Variants in TXNRD1 observed in about 807,000 individuals in gnomAD.
TXNRD1 encodes the protein thioredoxin reductase 1.
A neutral mutation model predicts 80.3 loss-of-function variants in TXNRD1; 57 were observed. The observed-to-expected ratio is 0.71, with a 90% CI of 0.57 to 0.89. TXNRD1 has a LOEUF of 0.89. Ranked by LOEUF, TXNRD1 falls within the 40% of genes least tolerant of loss-of-function variation. The probability of loss-of-function intolerance (pLI) is 0.00; values close to 1 mark genes in which losing one functional copy is unlikely to be tolerated. For synonymous variants in TXNRD1, 291 were observed against 285.2 expected (o/e 1.02, Z -0.20); for missense variants, 730 against 803.0 (o/e 0.91, Z 1.10).
chr12:104,226,311 A>G (rs1289510402), intron 1 of TXNRD1, among the ~76,000 whole-genome samples: 2 of 152,236 alleles, frequency 1.3e-5, no homozygotes, highest in East Asian at 3.8e-4. Context: ...AAAAATGTCT[A>G]GCTTAGGTTG....
At chr12:104,304,512 G>A (rs374997109) in intron 4 of TXNRD1, 10 of 1,613,866 alleles carry the variant, frequency 6.2e-6, no homozygotes, top group African/African-American at 1.3e-5. Flanking sequence ...AAAAAAGTTC[G>A]CAAGATGGAA....
intron 1 of TXNRD1, among the ~76,000 whole-genome samples, chr12:104,237,230 A>G (rs1042454581): frequency 5.3e-5 from 8 of 152,166 alleles, no homozygotes; most frequent in African/African-American, 1.4e-4. Context: ...GTAATAACTT[A>G]CAGTGTAGAA....
intron 16 of TXNRD1, among the ~76,000 whole-genome samples, chr12:104,345,631 G>C (rs891960320): frequency 4.4e-5 from 1 of 22,960 alleles, no homozygotes; most frequent in Admixed American, 3.2e-4. Flanking sequence ...AGTAGGAAAC[G>C]GATTACACAT....
At chr12:104,326,460 ATTTT>A (rs371884469) in intron 12 of TXNRD1, 37 bp downstream of exon 12, 948 of 538,720 alleles carry the variant, frequency 1.8e-3, no homozygotes, top group East Asian at 2.0e-3. Context: ...TATTTGTGGG[ATTTT>A]TTTTTTTTTT....
At chr12:104,271,007 C>T (rs929905101) in intron 3 of TXNRD1, among the ~76,000 whole-genome samples, 4 of 151,814 alleles carry the variant, frequency 2.6e-5, no homozygotes, top group Admixed American at 2.6e-4. Flanking sequence ...AAAAATTAGC[C>T]GGGTGTGGTG....
chr12:104,233,082 G>A (rs189496910), intron 1 of TXNRD1, among the ~76,000 whole-genome samples: 36 of 152,340 alleles, frequency 2.4e-4, no homozygotes, highest in African/African-American at 8.7e-4. Flanking sequence ...TATGCTGTAA[G>A]CTGGGAATGC....
At position 104,334,251 on chromosome 12, in the gene TXNRD1, CT is replaced by C. The variant is rs1250966239; in HGVS notation, c.1669del (p.Trp557GlyfsTer19). 1 of 1,524,612 alleles carries C rather than the reference CT, an allele frequency of 6.6e-7. No individual in the cohort carries two copies. The highest frequency in any genetic ancestry group is 1.4e-5 in the African/African-American group (1 of 72,010). 94.4% of individuals were successfully genotyped at this position (1,524,612 alleles called of 1,614,324 possible). On this transcript the variant is annotated frameshift_variant, in exon 15 of 17. Coordinates refer to ENST00000525566, the MANE Select transcript of TXNRD1 (RefSeq NM_001093771.3). LOFTEE classifies it high-confidence loss of function. ...EENIEVYHSYFWPLEWTIPSR... is the reference protein window; with the variant it reads ...EENIEVYHSYXWPLEWTIPSR... ...TATCTTCTTAGGTTTACCATAGTTA[CT>C]TTTGGCCATTGGAATGGACGATTCC...
intron 2 of TXNRD1, among the ~76,000 whole-genome samples, chr12:104,257,112 T>TGTGTCTTGTACATAAAA: frequency 6.6e-6 from 1 of 152,048 alleles, no homozygotes; most frequent in South Asian, 2.1e-4. Flanking sequence ...ACAGGCTGTT[T>TGTGTCTTGTACATAAAA]GTGTCTTGTA....
chr12:104,321,151 T>G lies in TXNRD1; in HGVS notation c.1050T>G (p.Tyr350Ter). ...PGKTLVVGAS[Y>*]VALECAGFLA... The stretch of plus-strand genomic sequence containing the variant: ...AGACCCTGGTTGTTGGAGCATCCTA[T>G]GTCGCTTTGGAGTGCGCTGGATTTC... The change falls in exon 10 of 17, where the codon TAT becomes TAG. Residue 350 changes from tyrosine (Y) to a stop codon, truncating the protein, a stop_gained. Coordinates refer to ENST00000525566, the MANE Select transcript of TXNRD1 (RefSeq NM_001093771.3). LOFTEE classifies it high-confidence loss of function. 6.2e-7 allele frequency: 1 copy of G among 1,613,778 alleles called. No homozygotes were observed. The highest frequency in any genetic ancestry group is 8.5e-7 in the Non-Finnish European group (1 of 1,179,846).
At chr12:104,226,177 G>A (rs1345778284) in intron 1 of TXNRD1, among the ~76,000 whole-genome samples, 1 of 151,934 alleles carries the variant, frequency 6.6e-6, no homozygotes, top group African/African-American at 2.4e-5. Flanking sequence ...TCAAGCCTGG[G>A]CAACAAGAGT....
chr12:104,232,018 G>A (rs2032635250), intron 1 of TXNRD1, among the ~76,000 whole-genome samples: 1 of 152,232 alleles, frequency 6.6e-6, no homozygotes, highest in Non-Finnish European at 1.5e-5. Flanking sequence ...ATAGGACTGT[G>A]TGTGTTGTTC....
intron 6 of TXNRD1, among the ~76,000 whole-genome samples, chr12:104,314,833 C>T (rs2035268012): frequency 6.7e-6 from 1 of 150,074 alleles, no homozygotes; most frequent in African/African-American, 2.5e-5. Flanking sequence ...CCTCCACCTC[C>T]TGGGTACAAG....
intron 3 of TXNRD1, among the ~76,000 whole-genome samples, chr12:104,272,205 C>T (rs577631985): frequency 7.9e-5 from 12 of 152,262 alleles, no homozygotes; most frequent in Admixed American, 7.2e-4. Context: ...GCACACACTT[C>T]GATAAGGGAG....
rs189085448 is a variant in TXNRD1, at chr12:104,267,373, C to T, written c.304+9294C>T. 5.4e-3 allele frequency among the ~76,000 whole-genome samples: 812 copies of T among 150,598 alleles called. 10 individuals carry two copies. The highest frequency in any genetic ancestry group is 0.019 in the African/African-American group (775 of 40,970). ...GCTCACTGCAGCCTTGAACTCCTGG[C>T]TTCATGCAATCCTCCCACCTCAGCC... On this transcript the variant is annotated intron_variant, in intron 3 of 16. Coordinates refer to ENST00000525566, the MANE Select transcript of TXNRD1 (RefSeq NM_001093771.3).
At chr12:104,270,433 G>T (rs925661601) in intron 3 of TXNRD1, among the ~76,000 whole-genome samples, 1 of 152,146 alleles carries the variant, frequency 6.6e-6, no homozygotes, top group Non-Finnish European at 1.5e-5. Context: ...CTGTCAATGA[G>T]CAGTAATATT....
Position 104,339,126 on chromosome 12 carries a change from T to C in TXNRD1, c.1747-13T>C, listed in dbSNP as rs746448868. ...TCAGCTTAATTGCATTATTGTATTT[T>C]TTTTTGCCTTAGGAACGTGTTGTGG... On this transcript the variant is annotated splice_polypyrimidine_tract_variant and intron_variant, in intron 15 of 16. Transcript: ENST00000525566. 8.7e-6 allele frequency: 14 copies of C among 1,613,584 alleles called. No individual in the cohort carries two copies. The highest frequency in any genetic ancestry group is 1.1e-5 in the Non-Finnish European group (13 of 1,179,780).
At chr12:104,329,467 G>T (rs139113827) in intron 13 of TXNRD1, among the ~76,000 whole-genome samples, 5 of 152,058 alleles carry the variant, frequency 3.3e-5, no homozygotes, top group African/African-American at 9.6e-5. Flanking sequence ...GGGCAACATG[G>T]TGAAACCCTA....
At chr12:104,223,107 C>T (rs2032389837) in intron 1 of TXNRD1, among the ~76,000 whole-genome samples, 1 of 152,192 alleles carries the variant, frequency 6.6e-6, no homozygotes, top group South Asian at 2.1e-4. Flanking sequence ...GTGGATATTA[C>T]AGTGTAGCTA....
chr12:104,252,661 TTTATATATATA>T (rs1251412643), intron 2 of TXNRD1, among the ~76,000 whole-genome samples: 7 of 58,588 alleles, frequency 1.2e-4, no homozygotes, highest in Admixed American at 7.3e-4. Flanking sequence ...TTTATTATTT[TTTATATATATA>T]TATATATATA....
Sources: allele counts gnomAD v4.1 joint callset (sites outside exome capture counted in the v4.1 genomes callset), GRCh38; gene constraint gnomAD v4.1.1; transcripts MANE v1.5; gene names NCBI Gene and HGNC (gene_info 2026-07-23, HGNC 2026-07-21).